NVL: variants seen among roughly 807,000 people sequenced by gnomAD.
NVL encodes nuclear VCP like.
NVL carries 84 observed loss-of-function variants against 110.2 expected under a neutral mutation model. The ratio of observed to expected loss-of-function variants is 0.76; its 90% CI spans 0.64 to 0.91. The LOEUF is 0.91. NVL is among the 40% of genes least tolerant of loss of function. The pLI is 0.00. For missense variants in NVL, 882 were observed against 1,035.9 expected, an observed-to-expected ratio of 0.85 and a Z score of 2.04; for synonymous variants, 354 against 361.1, an observed-to-expected ratio of 0.98 and a Z score of 0.22.
At chr1:224,326,553 T>C in intron 1 of NVL, 89 bp from the exon 2 acceptor site, 1 of 765,202 alleles carries the variant, frequency 1.3e-6, no homozygotes, top group Non-Finnish European at 2.2e-6. Context: ...GAACACATTA[T>C]ACTTTAAGAT....
intron 2 of NVL, among the ~76,000 whole-genome samples, chr1:224,320,186 T>C (rs539664741): frequency 6.6e-6 from 1 of 152,126 alleles, no homozygotes; most frequent in Non-Finnish European, 1.5e-5. Context: ...GAATGGTGGA[T>C]TCGATAATAT....
intron 6 of NVL, 90 bp downstream of exon 6, chr1:224,307,900 CA>C: frequency 7.8e-7 from 1 of 1,290,190 alleles, no homozygotes. Flanking sequence ...ATGCCTTCCA[CA>C]AAACACAAGT....
chr1:224,236,615 A>G, intron 19 of NVL, 33 bp from the exon 20 acceptor site: 1 of 1,559,428 alleles, frequency 6.4e-7, no homozygotes, highest in Non-Finnish European at 8.8e-7. Context: ...TTTTCATTGG[A>G]GCTTTAAAGA....
chr1:224,305,665 C>A lies in NVL; in HGVS notation c.616-499G>T, dbSNP rs143550994. 3.1e-3 allele frequency among the ~76,000 whole-genome samples: 468 copies of A among 152,306 alleles called. 2 individuals are homozygous for A. Among genetic ancestry groups the A allele is most frequent in the African/African-American group, 0.011 (437 of 41,572 alleles). On this transcript the variant is annotated intron_variant, in intron 6 of 22. Transcript: ENST00000281701. ...CTCCACCTCCTAGGTTCAAACAATTCTCCTGCCTCAGCCTCCCAAGTAGCC... is the reference window on the plus strand; with the variant it reads ...CTCCACCTCCTAGGTTCAAACAATTATCCTGCCTCAGCCTCCCAAGTAGCC...
intron 18 of NVL, among the ~76,000 whole-genome samples, chr1:224,252,254 T>C (rs1299954273): frequency 6.6e-6 from 1 of 152,086 alleles, no homozygotes; most frequent in East Asian, 1.9e-4. Flanking sequence ...TCCCCCCAGA[T>C]AAACTCTCTC....
intron 17 of NVL, among the ~76,000 whole-genome samples, chr1:224,273,059 AC>A (rs368481431): frequency 0.039 from 5,497 of 140,326 alleles, 262 homozygotes; most frequent in African/African-American, 0.078. Context: ...AAACAAACAA[AC>A]AAAAAAAAAC....
At chr1:224,308,771 A>G (rs1409808574) in intron 5 of NVL, among the ~76,000 whole-genome samples, 1 of 148,194 alleles carries the variant, frequency 6.7e-6, no homozygotes, top group East Asian at 2.1e-4. Flanking sequence ...ATTCAAAAAG[A>G]CTTCACTCGG....
intron 4 of NVL, among the ~76,000 whole-genome samples, chr1:224,312,350 G>C (rs1329580984): frequency 6.6e-6 from 1 of 152,108 alleles, no homozygotes; most frequent in Non-Finnish European, 1.5e-5. Flanking sequence ...TACAACTTCT[G>C]CAAGACTGTT....
At chr1:224,273,936 T>G (rs1015035137) in intron 17 of NVL, among the ~76,000 whole-genome samples, 1 of 152,102 alleles carries the variant, frequency 6.6e-6, no homozygotes, top group Non-Finnish European at 1.5e-5. Context: ...TTTATTTATT[T>G]ATTTATTTAT....
chr1:224,254,022 T>C (rs914119192), intron 18 of NVL, among the ~76,000 whole-genome samples: 6 of 152,246 alleles, frequency 3.9e-5, no homozygotes, highest in Non-Finnish European at 5.9e-5. Context: ...TTGGCCATTT[T>C]TATGTTTAAA....
intron 19 of NVL, among the ~76,000 whole-genome samples, chr1:224,237,572 G>A (rs2102709963): frequency 6.6e-6 from 1 of 152,088 alleles, no homozygotes; most frequent in Admixed American, 6.6e-5. Flanking sequence ...AACTGCAGAG[G>A]CAAACAAAAC....
chr1:224,286,193 A>T, intron 14 of NVL, 63 bp from the exon 15 acceptor site: 7 of 1,081,672 alleles, frequency 6.5e-6, no homozygotes, highest in Non-Finnish European at 8.3e-6. Flanking sequence ...GGTTCAAATT[A>T]TTTCCAGATA....
At chr1:224,294,520 C>T in intron 11 of NVL, 109 bp from the exon 12 acceptor site, 1 of 1,067,128 alleles carries the variant, frequency 9.4e-7, no homozygotes, top group Non-Finnish European at 1.4e-6. Flanking sequence ...ATTTTGACAG[C>T]AACATACATA....
chr1:224,260,908 C>T (rs1222403458), intron 18 of NVL, among the ~76,000 whole-genome samples: 4 of 151,928 alleles, frequency 2.6e-5, no homozygotes, highest in African/African-American at 9.7e-5. Context: ...CAGAGTCTTG[C>T]TCTGTCACCC....
At chr1:224,250,858 T>C (rs1297982732) in intron 18 of NVL, among the ~76,000 whole-genome samples, 3 of 152,196 alleles carry the variant, frequency 2.0e-5, no homozygotes, top group Admixed American at 2.0e-4. Context: ...GATTTCGCTA[T>C]GTTGCCCAGG....
intron 19 of NVL, among the ~76,000 whole-genome samples, chr1:224,240,665 C>T (rs561352559): frequency 2.0e-5 from 3 of 151,692 alleles, no homozygotes; most frequent in African/African-American, 4.8e-5. Flanking sequence ...CTTCACAAAA[C>T]GAATTCACTG....
Position 224,287,899 on chromosome 1 carries a change from A to G in NVL, c.1670T>C (p.Ile557Thr), listed in dbSNP as rs776100750. ...QGLCIELNDF[I>T]VALSSVQPSA... is the part of the protein sequence containing the mutation. Reference sequence around the variant, plus strand: ...GGGTTGGACTGAGGATAGAGCAACAATGAAATCATTCAGTTCAATGCACAG... The same window carrying G: ...GGGTTGGACTGAGGATAGAGCAACAGTGAAATCATTCAGTTCAATGCACAG... The change falls in exon 14 of 23, where the codon ATT becomes ACT. Residue 557 changes from isoleucine to threonine, a missense_variant. By Grantham distance (89) the Ile-to-Thr change is moderately conservative (BLOSUM62 -1). This residue lies in a region of NVL where 416 missense variants were observed against 499.3 expected (regional missense o/e 0.83). Transcript: ENST00000281701. The G allele has an allele frequency of 6.2e-6, 10 of 1,614,130 alleles. No individual in the cohort carries two copies. In the South Asian group the frequency reaches 6.6e-5, roughly 11 times the overall value.
At chr1:224,287,738 T>C in intron 14 of NVL, 37 bp downstream of exon 14, 1 of 1,561,588 alleles carries the variant, frequency 6.4e-7, no homozygotes, top group East Asian at 2.2e-5. Flanking sequence ...CTTTAATCCA[T>C]GACATGCCAA....
intron 14 of NVL, 83 bp downstream of exon 14, chr1:224,287,692 G>T: frequency 1.8e-6 from 2 of 1,138,700 alleles, no homozygotes; most frequent in South Asian, 1.4e-5. Flanking sequence ...TTTAGCCACA[G>T]AACCTAGTAC....
Sources: gnomAD v4.1 joint callset for allele counts (sites outside exome capture counted in the v4.1 genomes callset) on GRCh38, gnomAD v4.1.1 for gene constraint, gnomAD v4.1.1 regional missense constraint, MANE v1.5 for transcripts, NCBI Gene and HGNC (gene_info 2026-07-23, HGNC 2026-07-21) for gene names.